Variants in PCDHA13 observed in about 807,000 individuals in gnomAD.
PCDHA13 encodes the protein protocadherin alpha-13.
Under a neutral mutation model 64.8 loss-of-function variants are expected in PCDHA13, and 54 were observed. The ratio of observed to expected loss-of-function variants is 0.83; its 90% confidence interval spans 0.67 to 1.04. The LOEUF (loss-of-function observed/expected upper bound fraction) is 1.04. PCDHA13 is among the 50% of genes least tolerant of loss of function. The pLI is 0.00. For missense variants in PCDHA13, 1,248 were observed against 1,254.3 expected, an observed-to-expected ratio of 0.99 and a Z score of 0.08; for synonymous variants, 587 against 564.4, an observed-to-expected ratio of 1.04 and a Z score of -0.57.
At chr5:140,941,319 CTTT>C (rs70988781) in intron 1 of PCDHA13, among the ~76,000 whole-genome samples, 1 of 104,392 alleles carries the variant, frequency 9.6e-6, no homozygotes. Flanking sequence ...TCTTCTTTCT[CTTT>C]TTTTTTTTTT....
rs10569930 is a variant in PCDHA13, at chr5:140,925,641, TATAATAATAATA to T, written c.2394+41005_2394+41016del. On this transcript the variant is annotated intron_variant, in intron 1 of 3. Coordinates refer to ENST00000289272, the MANE Select transcript of PCDHA13 (RefSeq NM_018904.3). ...TGCACATGTACCCTAGAACTTAAAG[TATAATAATAATA>T]ATAATAATAATAATAATAATAATAA... Among the ~76,000 whole-genome samples the T allele has an allele frequency of 2.0e-4, 29 of 143,352 alleles. 1 individual carries two copies. Among genetic ancestry groups the T allele is most frequent in the Admixed American group, 7.0e-4 (10 of 14,330 alleles). 94.0% of individuals were successfully genotyped at this position (143,352 alleles called of 152,430 possible). A position where few individuals can be genotyped will look rare whatever the true frequency, so the allele number is the denominator to read the frequency against.
Position 140,884,606 on chromosome 5 carries a change from C to T in PCDHA13, c.2338C>T (p.Leu780=), listed in dbSNP as rs1554181776. 6.2e-7 allele frequency: 1 copy of T among 1,614,038 alleles called. No individual in the cohort carries two copies. The highest frequency in any genetic ancestry group is 1.3e-5 in the African/African-American group (1 of 74,954). The change falls in exon 1 of 4, where the codon CTG becomes TTG. Residue 780 remains leucine (L), a synonymous_variant. Transcript: ENST00000289272. ...CTTCAGTCCCAGCCTTCCTCCTTGT[C>T]TGGGTTCTGCAGAGGGAACAGGCCA... The part of the protein sequence containing the change: ...MAFSPSLPPC[L]GSAEGTGQRE...
rs782676713 is a variant in PCDHA13 at position 140,968,215 on chromosome 5, G to A, written c.2395-10734G>A. 3 of 1,613,862 alleles carry A rather than the reference G, an allele frequency of 1.9e-6. 1 individual carries two copies. The highest frequency in any genetic ancestry group is 2.5e-6 in the Non-Finnish European group (3 of 1,180,046). On this transcript the variant is annotated intron_variant, in intron 1 of 3. Transcript: ENST00000289272. ...CCATCTACATACAGGAGAACAATTT[G>A]CCAGGTGTGTTGCTCTGTACTGTGC... is the stretch of plus-strand genomic sequence containing the variant.
chr5:140,984,428 G>A (rs2097103075), intron 3 of PCDHA13, among the ~76,000 whole-genome samples: 1 of 152,100 alleles, frequency 6.6e-6, no homozygotes, highest in African/African-American at 2.4e-5. Context: ...ATAGAGAAGG[G>A]GATCTCCCTT....
intron 1 of PCDHA13, among the ~76,000 whole-genome samples, chr5:140,952,530 A>C (rs246033): frequency 0.56 from 85,631 of 151,920 alleles, 24,768 homozygotes; most frequent in African/African-American, 0.69. Flanking sequence ...ACCTCCTCAG[A>C]CTGGACTTCT....
chr5:140,908,816 G>T (rs1606122), intron 1 of PCDHA13, among the ~76,000 whole-genome samples: 42,837 of 152,040 alleles, frequency 0.28, 6,902 homozygotes, highest in East Asian at 0.53. Flanking sequence ...AGAGCCTTTT[G>T]GGTTACTCGA....
chr5:140,928,399 T>C (rs1554205848), intron 1 of PCDHA13: 1 of 1,613,926 alleles, frequency 6.2e-7, no homozygotes, highest in African/African-American at 1.3e-5. Flanking sequence ...AGTGGAATCA[T>C]CCAGTGGGGC....
rs1478449575 is a variant in PCDHA13 at position 141,010,392 on chromosome 5, G to A, written c.*455G>A. The stretch of plus-strand genomic sequence containing the variant: ...GCGAGTGCCAGATATTGGCTGAGAC[G>A]AGCCAGCTTAGACTAATTGGTACAA... On this transcript the variant is annotated 3_prime_UTR_variant, in exon 4 of 4. Transcript: ENST00000289272. The A allele has an allele frequency of 8.0e-6, 11 of 1,381,722 alleles. No individual in the cohort carries two copies. The highest frequency in any genetic ancestry group is 7.3e-5 in the African/African-American group (5 of 68,772). The allele number at this position is 1,381,722 out of a possible 1,614,324, so 85.6% of individuals were successfully genotyped here. A position where few individuals can be genotyped will look rare whatever the true frequency, so the allele number is the denominator to read the frequency against.
At chr5:140,937,739 C>T (rs1563162684) in intron 1 of PCDHA13, among the ~76,000 whole-genome samples, 1 of 151,716 alleles carries the variant, frequency 6.6e-6, no homozygotes, top group African/African-American at 2.4e-5. Context: ...GGTGAAACCC[C>T]GTCTCTACTA....
In PCDHA13 at chr5:141,011,084, C is replaced by T. The variant is rs928216799; in HGVS notation, c.*1147C>T. 1.3e-5 allele frequency: 2 copies of T among 153,722 alleles called. No homozygotes were observed. The highest frequency in any genetic ancestry group is 6.5e-5 in the Admixed American group (1 of 15,272). The allele number at this position is 153,722 out of a possible 1,614,324, so 9.5% of individuals were successfully genotyped here. A position where few individuals can be genotyped will look rare whatever the true frequency, so the allele number is the denominator to read the frequency against. ...CATGTATTACTAAATAAAATGATCT[C>T]TCTTTCTCTCTCTCTCTCTCTTTTC... On this transcript the variant is annotated 3_prime_UTR_variant, in exon 4 of 4. Coordinates refer to ENST00000289272, the MANE Select transcript of PCDHA13 (RefSeq NM_018904.3).
At chr5:140,973,768 A>G (rs1408539146) in intron 1 of PCDHA13, among the ~76,000 whole-genome samples, 3 of 152,258 alleles carry the variant, frequency 2.0e-5, no homozygotes, top group African/African-American at 7.2e-5. Flanking sequence ...ACAGCCTGGC[A>G]TATTATAGGT....
chr5:140,928,852 G>T, intron 1 of PCDHA13: 1 of 1,614,172 alleles, frequency 6.2e-7, no homozygotes, highest in Non-Finnish European at 8.5e-7. Flanking sequence ...CACTCTGGGT[G>T]TGCTGTTGAG....
At chr5:140,912,897 G>T (rs782442093) in intron 1 of PCDHA13, among the ~76,000 whole-genome samples, 1 of 152,290 alleles carries the variant, frequency 6.6e-6, no homozygotes, top group East Asian at 1.9e-4. Context: ...TTGATATGAT[G>T]TATCATATTG....
intron 3 of PCDHA13, among the ~76,000 whole-genome samples, chr5:140,991,900 A>G (rs137964856): frequency 9.8e-4 from 149 of 152,250 alleles, no homozygotes; most frequent in African/African-American, 3.0e-3. Context: ...TTAACACAAA[A>G]TCCCTTTTGC....
chr5:140,988,957 C>G (rs2097322513), intron 3 of PCDHA13: 1 of 152,120 alleles, frequency 6.6e-6, no homozygotes. Context: ...TTCCTTCAAG[C>G]CCCACGATGG....
chr5:140,981,144 A>G (rs1245688386), intron 2 of PCDHA13, among the ~76,000 whole-genome samples: 1 of 152,238 alleles, frequency 6.6e-6, no homozygotes, highest in African/African-American at 2.4e-5. Flanking sequence ...GAGTGAGAAA[A>G]CATTGAACTT....
intron 1 of PCDHA13, chr5:140,966,880 C>T (rs1554228837): frequency 1.3e-6 from 2 of 1,588,288 alleles, no homozygotes; most frequent in Admixed American, 3.5e-5. Flanking sequence ...TGCTACCTGG[C>T]CCTGCGGCCT....
intron 1 of PCDHA13, among the ~76,000 whole-genome samples, chr5:140,886,063 G>A (rs547299842): frequency 3.3e-5 from 5 of 152,172 alleles, no homozygotes; most frequent in East Asian, 1.9e-4. Flanking sequence ...TTACAAAAGC[G>A]TAGGGCCATA....
intron 3 of PCDHA13, among the ~76,000 whole-genome samples, chr5:141,009,291 T>G (rs115348370): frequency 2.9e-3 from 436 of 152,228 alleles, no homozygotes; most frequent in African/African-American, 9.9e-3. Flanking sequence ...CCCATTTCTA[T>G]AAAATTTTTT....
Sources: gnomAD v4.1 joint callset for allele counts (sites outside exome capture counted in the v4.1 genomes callset) on GRCh38, gnomAD v4.1.1 for gene constraint, MANE v1.5 for transcripts, NCBI Gene and HGNC (gene_info 2026-07-23, HGNC 2026-07-21) for gene names.